Variants in AGRP observed in about 807,000 individuals in gnomAD.
The protein encoded by AGRP is agouti related neuropeptide.
AGRP carries 8 observed loss-of-function variants against 13.6 expected under a neutral mutation model. The observed-to-expected ratio is 0.59, with a 90% confidence interval of 0.35 to 1.06. AGRP has a LOEUF of 1.06. Ranked by LOEUF, AGRP falls within the 50% of genes least tolerant of loss-of-function variation. The probability of loss-of-function intolerance (pLI) is 0.02; values close to 1 mark genes in which losing one functional copy is unlikely to be tolerated. For missense variants in AGRP, 155 were observed against 174.8 expected, an observed-to-expected ratio of 0.89 and a Z score of 0.64; for synonymous variants, 63 against 72.4, an observed-to-expected ratio of 0.87 and a Z score of 0.66.
intron 1 of AGRP, 50 bp downstream of exon 1, chr16:67,483,467 G>A: frequency 7.0e-7 from 1 of 1,435,414 alleles, no homozygotes; most frequent in Non-Finnish European, 9.2e-7. Context: ...TAGGTGCCCA[G>A]ATAGAGACCC....
chr16:67,482,989 A>C, intron 3 of AGRP, 36 bp downstream of exon 3: 1 of 1,608,444 alleles, frequency 6.2e-7, no homozygotes. Context: ...CCCCCTCCCA[A>C]GGGCCACCAC....
chr16:67,483,000 C>T, intron 3 of AGRP, 25 bp downstream of exon 3: 1 of 1,611,772 alleles, frequency 6.2e-7, no homozygotes, highest in Non-Finnish European at 8.5e-7. Flanking sequence ...GGGCCACCAC[C>T]TTACCCTTTT....
At chr16:67,482,943 G>A in intron 3 of AGRP, 82 bp downstream of exon 3, 1 of 1,566,678 alleles carries the variant, frequency 6.4e-7, no homozygotes, top group Non-Finnish European at 8.8e-7. Flanking sequence ...GCTGGTGAGG[G>A]AGTTTGGAGC....
chr16:67,483,017 G>C lies in AGRP; in HGVS notation c.216+8C>G, dbSNP rs750194893. The C allele has an allele frequency of 6.2e-7, 1 of 1,613,898 alleles. No individual in the cohort carries two copies. ...GCCACCACCTTACCCTTTTCCCTGA[G>C]CAGTTACCTCTGCCAAGGCCTGAGC... is the stretch of plus-strand genomic sequence containing the variant. On this transcript the variant is annotated splice_region_variant and intron_variant, in intron 3 of 3. Coordinates refer to ENST00000290953, the MANE Select transcript of AGRP (RefSeq NM_001138.2).
At chr16:67,482,866 A>G (rs1238135991) in intron 3 of AGRP, 48 bp from the exon 4 acceptor site, 5 of 1,608,558 alleles carry the variant, frequency 3.1e-6, no homozygotes, top group Non-Finnish European at 4.3e-6. Context: ...AGATCCAGGG[A>G]TCTTACCTGT....
In AGRP at chr16:67,483,270, T is replaced by C. The variant is rs143704082; in HGVS notation, c.129A>G (p.Pro43=). The C allele has an allele frequency of 2.3e-5, 34 of 1,483,824 alleles. No homozygotes were observed. The highest frequency in any genetic ancestry group is 3.0e-5 in the Non-Finnish European group (33 of 1,096,568). 91.9% of individuals were successfully genotyped at this position (1,483,824 alleles called of 1,614,324 possible). Reference sequence around the variant, plus strand: ...AGTCCCACCCTTGCTCACACTGACCTGGGAGCTCTGGGAGCAGGGCCTGGT... The same window carrying C: ...AGTCCCACCCTTGCTCACACTGACCCGGGAGCTCTGGGAGCAGGGCCTGGT... The part of the protein sequence containing the change: ...RPDQALLPEL[P]GLGLRAPLKK... The change falls in exon 2 of 4, where the codon CCA becomes CCG. Residue 43 remains proline, a splice_region_variant and synonymous_variant. Transcript: ENST00000290953.
chr16:67,483,006 C>A lies in AGRP; in HGVS notation c.216+19G>T, dbSNP rs767437726. 1 of 1,613,288 alleles carries A rather than the reference C, an allele frequency of 6.2e-7. No homozygotes were observed. Among genetic ancestry groups the A allele is most frequent in the South Asian group, 1.1e-5 (1 of 91,066 alleles). On this transcript the variant is annotated intron_variant, in intron 3 of 3. Coordinates refer to ENST00000290953, the MANE Select transcript of AGRP (RefSeq NM_001138.2). ...CCCTCCCAAGGGCCACCACCTTACC[C>A]TTTTCCCTGAGCAGTTACCTCTGCC...
Position 67,482,667 on chromosome 16 carries a change from C to G in AGRP, c.368G>C (p.Gly123Ala). ...FNAFCYCRKLGTAMNPCSRT is the reference protein window; with the variant it reads ...FNAFCYCRKLATAMNPCSRT ...GCGGCTGCAGGGATTCATGGCAGTA[C>G]CCAGCTTGCGGCAGTAGCAGAAGGC... Residue 123 changes from glycine (G) to alanine (A), a missense_variant, in exon 4 of 4, where the codon GGT (glycine) becomes GCT (alanine). Coordinates refer to ENST00000290953, the MANE Select transcript of AGRP (RefSeq NM_001138.2). The G allele has an allele frequency of 6.2e-7, 1 of 1,614,226 alleles. No homozygotes were observed. The highest frequency in any genetic ancestry group is 8.5e-7 in the Non-Finnish European group (1 of 1,180,052).
chr16:67,482,737 G>C lies in AGRP; in HGVS notation c.298C>G (p.Pro100Ala). 1 of 1,614,182 alleles carries C rather than the reference G, an allele frequency of 6.2e-7. No homozygotes were observed. Among genetic ancestry groups the C allele is most frequent in the South Asian group, 1.1e-5 (1 of 91,084 alleles). Residue 100 changes from proline to alanine, a missense_variant, in exon 4 of 4, where the codon CCT becomes GCT. Transcript: ENST00000290953. ...LHESCLGQQV[P>A]CCDPCATCYC... ...CACGTGGCACATGGGTCACAGCAAG[G>C]CACCTGCTGTCCCAGGCAGGACTCA...
rs753713327 is a variant in AGRP, at chr16:67,483,124, T to A, written c.131-14A>T. The A allele has an allele frequency of 2.5e-6, 4 of 1,613,722 alleles. No homozygotes were observed. Among genetic ancestry groups the A allele is most frequent in the Non-Finnish European group, 3.4e-6 (4 of 1,179,680 alleles). On this transcript the variant is annotated splice_polypyrimidine_tract_variant and intron_variant, in intron 2 of 3. Transcript: ENST00000290953. ...GCAGGCCCAGGCCTGGGGCAGAGGA[T>A]GTGAGGGCAGGAACCCCCATGCACA...
In AGRP at chr16:67,482,818, C is replaced by T; in HGVS notation, c.217G>A (p.Val73Ile). Residue 73 changes from valine to isoleucine, a missense_variant and splice_region_variant, in exon 4 of 4, where the codon GTA (valine) becomes ATA (isoleucine). Coordinates refer to ENST00000290953, the MANE Select transcript of AGRP (RefSeq NM_001138.2). ...GGCTCGCGGTCCTGCAGGTCTAGTA[C>T]CTGCAGGGGTGGGGAACCAGCACAG... Reference protein sequence around the residue: ...LLQEAQALAEVLDLQDREPRS... With the variant: ...LLQEAQALAEILDLQDREPRS... The T allele has an allele frequency of 6.2e-7, 1 of 1,613,972 alleles. No homozygotes were observed. The highest frequency in any genetic ancestry group is 8.5e-7 in the Non-Finnish European group (1 of 1,179,962).
At chr16:67,483,172 G>A in intron 2 of AGRP, 62 bp from the exon 3 acceptor site, 1 of 1,610,928 alleles carries the variant, frequency 6.2e-7, no homozygotes, top group Admixed American at 1.7e-5. Context: ...CCCAGGGGAG[G>A]GTTTGGGAAG....
In AGRP at chr16:67,483,300, C is replaced by G; in HGVS notation, c.99G>C (p.Arg33Ser). Residue 33 changes from arginine (R) to serine (S), a missense_variant, in exon 2 of 4, where the codon AGG (arginine) becomes AGC (serine). Arg to Ser is a moderately radical substitution (Grantham distance 110, BLOSUM62 -1). Transcript: ENST00000290953. Reference protein sequence around the residue: ...MGLAPMEGIRRPDQALLPELP... With the variant: ...MGLAPMEGIRSPDQALLPELP... ...GCTCTGGGAGCAGGGCCTGGTCAGGCCTTCTGATGCCCTCCATGGGGGCCA... is the reference window on the plus strand; with the variant it reads ...GCTCTGGGAGCAGGGCCTGGTCAGGGCTTCTGATGCCCTCCATGGGGGCCA... 1.9e-6 allele frequency: 3 copies of G among 1,587,588 alleles called. No homozygotes were observed. Among genetic ancestry groups the G allele is most frequent in the Non-Finnish European group, 2.6e-6 (3 of 1,168,158 alleles).
Position 67,483,126 on chromosome 16 carries a change from T to C in AGRP, c.131-16A>G, listed in dbSNP as rs373633700. On this transcript the variant is annotated splice_polypyrimidine_tract_variant and intron_variant, in intron 2 of 3. Transcript: ENST00000290953. ...AGGCCCAGGCCTGGGGCAGAGGATG[T>C]GAGGGCAGGAACCCCCATGCACAAA... is the stretch of plus-strand genomic sequence containing the variant. The C allele has an allele frequency of 3.1e-6, 5 of 1,613,480 alleles. No homozygotes were observed. In the African/African-American group the frequency reaches 6.7e-5, roughly 22 times the overall value.
chr16:67,482,891 G>C, intron 3 of AGRP, 73 bp from the exon 4 acceptor site: 1 of 1,588,930 alleles, frequency 6.3e-7, no homozygotes, highest in Non-Finnish European at 8.6e-7. Context: ...ACCTGTGCAG[G>C]ATGGCAGTGG....
chr16:67,483,190 G>C, intron 2 of AGRP, 79 bp downstream of exon 2: 1 of 1,609,744 alleles, frequency 6.2e-7, no homozygotes, highest in Non-Finnish European at 8.5e-7. Flanking sequence ...AAGGGAGAAA[G>C]AGGGTTTATG....
chr16:67,483,249 C>A lies in AGRP; in HGVS notation c.130+20G>T. The A allele has an allele frequency of 6.3e-7, 1 of 1,582,150 alleles. No homozygotes were observed. Among genetic ancestry groups the A allele is most frequent in the South Asian group, 1.2e-5 (1 of 86,380 alleles). On this transcript the variant is annotated intron_variant, in intron 2 of 3. Transcript: ENST00000290953. Reference sequence around the variant, plus strand: ...GAGGGTATTCAGGCCCCGCCCAGTCCCACCCTTGCTCACACTGACCTGGGA... The same window carrying A: ...GAGGGTATTCAGGCCCCGCCCAGTCACACCCTTGCTCACACTGACCTGGGA...
intron 1 of AGRP, 31 bp from the exon 2 acceptor site, chr16:67,483,432 C>T: frequency 1.3e-6 from 2 of 1,482,206 alleles, no homozygotes; most frequent in Non-Finnish European, 1.8e-6. Flanking sequence ...ACCACTTAGT[C>T]CCTCCTTATC....
At chr16:67,483,188 A>C (rs1256436533) in intron 2 of AGRP, 78 bp from the exon 3 acceptor site, 16 of 1,610,028 alleles carry the variant, frequency 9.9e-6, no homozygotes, top group Non-Finnish European at 1.4e-5. Context: ...GGAAGGGAGA[A>C]AGAGGGTTTA....
Sources: allele counts gnomAD v4.1 joint callset, GRCh38; gene constraint gnomAD v4.1.1; transcripts MANE v1.5; gene names NCBI Gene and HGNC (gene_info 2026-07-23, HGNC 2026-07-21).